SLC7A9: variants seen among roughly 807,000 people sequenced by gnomAD.
SLC7A9 encodes the protein solute carrier family 7 member 9.
Under a neutral mutation model 54.1 loss-of-function variants are expected in SLC7A9, and 38 were observed. That is an observed-to-expected ratio of 0.70 (90% confidence interval 0.54 to 0.92). The LOEUF (loss-of-function observed/expected upper bound fraction) is 0.92, where lower values mean the gene tolerates loss of function less well. Among genes scored for constraint, SLC7A9 ranks in the 40% least tolerant of loss-of-function variants. SLC7A9 has a pLI of 0.00. For missense variants in SLC7A9, 537 were observed against 636.1 expected, an observed-to-expected ratio of 0.84 and a Z score of 1.68; for synonymous variants, 264 against 258.9, an observed-to-expected ratio of 1.02 and a Z score of -0.19.
At chr19:32,868,844 G>C (rs1396024809) in intron 1 of SLC7A9, among the ~76,000 whole-genome samples, 199 bp from the exon 2 acceptor site, 1 of 152,068 alleles carries the variant, frequency 6.6e-6, no homozygotes, top group Non-Finnish European at 1.5e-5. Flanking sequence ...TGGCCCACGT[G>C]CCTGTGCCTT....
intron 11 of SLC7A9, among the ~76,000 whole-genome samples, chr19:32,840,497 T>A (rs1356153619): frequency 6.6e-6 from 1 of 152,134 alleles, no homozygotes; most frequent in African/African-American, 2.4e-5. Flanking sequence ...GCCCACTCTT[T>A]ATTTCTGAAA....
At chr19:32,853,338 T>C (rs1968524625) in intron 9 of SLC7A9, among the ~76,000 whole-genome samples, 1 of 152,186 alleles carries the variant, frequency 6.6e-6, no homozygotes, top group African/African-American at 2.4e-5. Flanking sequence ...TTTGGGGTGA[T>C]GGAAATGATC....
chr19:32,846,938 A>T (rs1968316220), intron 9 of SLC7A9, among the ~76,000 whole-genome samples: 2 of 152,208 alleles, frequency 1.3e-5, no homozygotes, highest in Admixed American at 1.3e-4. Context: ...TCTGGAGTAG[A>T]CCTCTAGAAA....
chr19:32,838,069 C>T (rs1407920246), intron 11 of SLC7A9, among the ~76,000 whole-genome samples: 2 of 152,118 alleles, frequency 1.3e-5, no homozygotes, highest in Admixed American at 6.6e-5. Context: ...GTGAGGACGC[C>T]GTGCCTGCCT....
At chr19:32,858,875 G>C (rs1968711424) in intron 8 of SLC7A9, among the ~76,000 whole-genome samples, 2 of 150,102 alleles carry the variant, frequency 1.3e-5, no homozygotes, top group Admixed American at 6.7e-5. Context: ...TGCAACCTCT[G>C]CCTCCCAGGG....
chr19:32,859,645 C>G (rs979763966), intron 8 of SLC7A9, among the ~76,000 whole-genome samples, 196 bp downstream of exon 8: 3 of 152,174 alleles, frequency 2.0e-5, no homozygotes, highest in Admixed American at 6.5e-5. Context: ...GCCTCTGCTT[C>G]ATGCTTGCCT....
intron 9 of SLC7A9, among the ~76,000 whole-genome samples, chr19:32,845,495 C>T (rs1041404360): frequency 1.4e-4 from 22 of 152,108 alleles, no homozygotes; most frequent in Non-Finnish European, 2.9e-4. Flanking sequence ...GAACAAGACT[C>T]TGTCTCAAAC....
intron 9 of SLC7A9, among the ~76,000 whole-genome samples, chr19:32,846,763 A>G (rs149203042): frequency 6.6e-6 from 1 of 151,934 alleles, no homozygotes. Context: ...CTGGGAGGCA[A>G]CCCCCCAGTA....
chr19:32,855,784 G>C (rs984651694), intron 9 of SLC7A9, among the ~76,000 whole-genome samples: 1 of 152,104 alleles, frequency 6.6e-6, no homozygotes, highest in Non-Finnish European at 1.5e-5. Flanking sequence ...CCAGCACACA[G>C]CACAAGCACC....
intron 3 of SLC7A9, 63 bp downstream of exon 3, chr19:32,864,566 A>T: frequency 6.3e-7 from 1 of 1,595,588 alleles, no homozygotes; most frequent in Non-Finnish European, 8.6e-7. Flanking sequence ...TGGCACAGGT[A>T]GCAGCTGCCT....
At chr19:32,850,147 T>C (rs76487117) in intron 9 of SLC7A9, among the ~76,000 whole-genome samples, 83,675 of 142,236 alleles carry the variant, frequency 0.59, 25,910 homozygotes, top group East Asian at 0.82. Flanking sequence ...TCTCTCACCA[T>C]TCCTATTCAA....
At chr19:32,846,784 GAC>G (rs1350233224) in intron 9 of SLC7A9, among the ~76,000 whole-genome samples, 2 of 152,218 alleles carry the variant, frequency 1.3e-5, no homozygotes, top group Non-Finnish European at 2.9e-5. Context: ...GGGGCAGACT[GAC>G]ACCTCACATG....
intron 9 of SLC7A9, among the ~76,000 whole-genome samples, chr19:32,852,112 T>C (rs1481313670): frequency 1.3e-5 from 2 of 152,058 alleles, no homozygotes; most frequent in African/African-American, 2.4e-5. Flanking sequence ...ACATGGCACA[T>C]GTATACATAT....
intron 9 of SLC7A9, among the ~76,000 whole-genome samples, chr19:32,848,223 T>G (rs1281660199): frequency 6.6e-6 from 1 of 152,236 alleles, no homozygotes; most frequent in African/African-American, 2.4e-5. Flanking sequence ...AATGCTGCAA[T>G]TAAAAGACAC....
rs748105133 is a variant in SLC7A9 at position 32,868,416 on chromosome 19, C to G, written c.87+32G>C. The G allele has an allele frequency of 1.0e-5, 16 of 1,582,806 alleles. No homozygotes were observed. The South Asian group carries it at 1.8e-4, about 18-fold the overall frequency. On this transcript the variant is annotated intron_variant, in intron 2 of 12. Transcript: ENST00000023064. ...CGTTCAGACGCCCTTGCCTAACCTG[C>G]AAAGGGCCTGCCCCACCAGAGACCG...
intron 11 of SLC7A9, among the ~76,000 whole-genome samples, chr19:32,839,552 CAA>C (rs913100576): frequency 2.2e-4 from 18 of 82,788 alleles, no homozygotes; most frequent in East Asian, 3.0e-4. Flanking sequence ...CACTCCGTCT[CAA>C]AAAAAAAAAA....
chr19:32,869,030 G>A (rs1439584848), intron 1 of SLC7A9, among the ~76,000 whole-genome samples: 7 of 145,684 alleles, frequency 4.8e-5, no homozygotes, highest in Admixed American at 1.4e-4. Context: ...CTAACATGGC[G>A]AACCCCGTCT....
chr19:32,862,409 T>C lies in SLC7A9; in HGVS notation c.604+52A>G, dbSNP rs370012826. On this transcript the variant is annotated intron_variant, in intron 5 of 12. Transcript: ENST00000023064. ...GGGGCAAGGCTGCTCCTGCTCCCAGTGGAAGGGCGTTTGGTGTGTGCCCGT... is the reference window on the plus strand; with the variant it reads ...GGGGCAAGGCTGCTCCTGCTCCCAGCGGAAGGGCGTTTGGTGTGTGCCCGT... 6.5e-5 allele frequency: 104 copies of C among 1,609,566 alleles called. No homozygotes were observed. The East Asian group carries it at 1.9e-3, about 29-fold the overall frequency.
chr19:32,840,161 T>C (rs1188882485), intron 11 of SLC7A9, among the ~76,000 whole-genome samples: 3 of 152,140 alleles, frequency 2.0e-5, no homozygotes, highest in African/African-American at 7.2e-5. Context: ...GTTTCTTTGC[T>C]CTTATGTTCT....
Sources: allele counts gnomAD v4.1 joint callset (sites outside exome capture counted in the v4.1 genomes callset), GRCh38; gene constraint gnomAD v4.1.1; transcripts MANE v1.5; gene names NCBI Gene and HGNC (gene_info 2026-07-23, HGNC 2026-07-21).